Variants in ZNF644 observed in about 807,000 individuals in gnomAD.
ZNF644 encodes the protein zinc finger protein 644.
Under a neutral mutation model 108.0 loss-of-function variants are expected in ZNF644, and 20 were observed. The ratio of observed to expected loss-of-function variants is 0.19; its 90% CI spans 0.13 to 0.27. ZNF644 has a LOEUF of 0.27. ZNF644 is among the 10% of genes least tolerant of loss of function. The probability of loss-of-function intolerance (pLI) is 1.00; values close to 1 mark genes in which losing one functional copy is unlikely to be tolerated. For missense variants in ZNF644, 1,338 were observed against 1,548.9 expected, an observed-to-expected ratio of 0.86 and a Z score of 2.29; for synonymous variants, 542 against 539.1, an observed-to-expected ratio of 1.01 and a Z score of -0.08.
In ZNF644 at chr1:90,940,954, C is replaced by T. The variant is rs1651904520; in HGVS notation, c.400G>A (p.Gly134Ser). The change falls in exon 3 of 6, where the codon GGC becomes AGC. Residue 134 changes from glycine to serine, a missense_variant. Physicochemically the swap from Gly to Ser is moderately conservative, Grantham distance 56 (BLOSUM62 0). Coordinates refer to ENST00000337393, the MANE Select transcript of ZNF644 (RefSeq NM_201269.3). ...TGTCCAGTGGTTAATGAAACACTGC[C>T]TTTATTCATATTGGAAGTCTTAGTT... ...SLTKTSNMNK[G>S]SVSLTTGQPV... The T allele has an allele frequency of 6.2e-7, 1 of 1,613,934 alleles. No homozygotes were observed. Among genetic ancestry groups the T allele is most frequent in the African/African-American group, 1.3e-5 (1 of 74,884 alleles).
At chr1:90,981,434 C>T (rs1656541145) in intron 2 of ZNF644, among the ~76,000 whole-genome samples, 2 of 151,960 alleles carry the variant, frequency 1.3e-5, no homozygotes, top group African/African-American at 4.8e-5. Flanking sequence ...CTGAGATTTC[C>T]TTCAGTGCAT....
chr1:91,021,919 C>T (rs972150149), intron 1 of ZNF644, 71 bp downstream of exon 1: 11 of 399,380 alleles, frequency 2.8e-5, no homozygotes, highest in African/African-American at 1.8e-4. Context: ...AGTCCCGCCG[C>T]TGCCACAGCC....
intron 1 of ZNF644, among the ~76,000 whole-genome samples, chr1:91,006,557 T>A (rs1659438328): frequency 6.6e-6 from 1 of 152,200 alleles, no homozygotes; most frequent in African/African-American, 2.4e-5. Flanking sequence ...ATTGCCCTCA[T>A]ACCAAAATCT....
At chr1:90,960,623 C>A (rs867939080) in intron 2 of ZNF644, among the ~76,000 whole-genome samples, 1 of 152,160 alleles carries the variant, frequency 6.6e-6, no homozygotes, top group African/African-American at 2.4e-5. Context: ...CTGACGACAC[C>A]CAATCTAGGA....
At chr1:91,001,553 T>C (rs1285562858) in intron 1 of ZNF644, among the ~76,000 whole-genome samples, 2 of 152,170 alleles carry the variant, frequency 1.3e-5, no homozygotes, top group Non-Finnish European at 2.9e-5. Context: ...ACAAGAGCTA[T>C]TTATGACAAA....
At chr1:90,988,367 AAC>A (rs1412481345) in intron 1 of ZNF644, among the ~76,000 whole-genome samples, 2 of 152,290 alleles carry the variant, frequency 1.3e-5, no homozygotes, top group African/African-American at 4.8e-5. Flanking sequence ...TGAAAGCTAT[AAC>A]ACACTGCTGA....
chr1:90,963,486 A>G (rs1654533675), intron 2 of ZNF644, among the ~76,000 whole-genome samples: 1 of 152,158 alleles, frequency 6.6e-6, no homozygotes, highest in South Asian at 2.1e-4. Context: ...GTCTTGGTAT[A>G]CACCTAGTAT....
chr1:90,954,589 T>C (rs994460674), intron 2 of ZNF644, among the ~76,000 whole-genome samples: 2 of 152,200 alleles, frequency 1.3e-5, no homozygotes, highest in Non-Finnish European at 2.9e-5. Flanking sequence ...GTATTTTTAG[T>C]ACAGACAGGG....
At chr1:90,994,487 T>G (rs1238200238) in intron 1 of ZNF644, among the ~76,000 whole-genome samples, 4 of 152,162 alleles carry the variant, frequency 2.6e-5, no homozygotes. Context: ...ACAAAAATTC[T>G]AGGTATAAAC....
chr1:90,998,852 C>A (rs201913962), intron 1 of ZNF644, among the ~76,000 whole-genome samples: 5 of 152,166 alleles, frequency 3.3e-5, no homozygotes, highest in Non-Finnish European at 5.9e-5. Context: ...GAAGTCCTTA[C>A]ATGACCTGAT....
intron 1 of ZNF644, among the ~76,000 whole-genome samples, chr1:91,017,991 A>G (rs144058917): frequency 1.3e-5 from 2 of 152,328 alleles, no homozygotes; most frequent in East Asian, 3.9e-4. Context: ...AAGAAAGGAT[A>G]GTAACTCCAT....
intron 1 of ZNF644, among the ~76,000 whole-genome samples, chr1:91,002,258 A>T (rs552956953): frequency 6.6e-6 from 1 of 152,318 alleles, no homozygotes; most frequent in South Asian, 2.1e-4. Flanking sequence ...TGGAGGCATC[A>T]CGCTACCTGA....
In ZNF644 at chr1:90,937,513, T is replaced by C. The variant is rs763319720; in HGVS notation, c.3660A>G (p.Pro1220=). The C allele has an allele frequency of 6.8e-6, 11 of 1,613,880 alleles. No individual in the cohort carries two copies. The highest frequency in any genetic ancestry group is 1.3e-5 in the African/African-American group (1 of 75,054). Residue 1220 remains proline, a synonymous_variant, in exon 4 of 6, where the codon CCA becomes CCG. Transcript: ENST00000337393. ...AGTGCATAGTCAAGTCCATTTTTTG[T>C]GGCTGATACATCAACGGACTATCCT... ...LNEDSPLMYQ[P]QKMDLTMHSA...
chr1:91,008,621 AC>A (rs1239357744), intron 1 of ZNF644, among the ~76,000 whole-genome samples: 1 of 152,064 alleles, frequency 6.6e-6, no homozygotes, highest in Non-Finnish European at 1.5e-5. Flanking sequence ...TCATACAGAA[AC>A]CCCATTTTTC....
intron 4 of ZNF644, among the ~76,000 whole-genome samples, chr1:90,933,651 G>A (rs1201412): frequency 1.4e-5 from 2 of 146,388 alleles, no homozygotes; most frequent in African/African-American, 2.5e-5. Flanking sequence ...GTGACAGAGC[G>A]AGACTCCGTC....
chr1:90,976,557 G>A (rs2101398638), intron 2 of ZNF644, among the ~76,000 whole-genome samples: 1 of 152,230 alleles, frequency 6.6e-6, no homozygotes, highest in East Asian at 1.9e-4. Flanking sequence ...AATGATATTT[G>A]CCGCTTAGCC....
intron 1 of ZNF644, among the ~76,000 whole-genome samples, chr1:91,002,588 C>T (rs1043095658): frequency 1.3e-5 from 2 of 152,114 alleles, no homozygotes; most frequent in Non-Finnish European, 2.9e-5. Flanking sequence ...AGAAGAAAAC[C>T]TAGGCAATAC....
chr1:90,984,926 C>T (rs1656941768), intron 1 of ZNF644, among the ~76,000 whole-genome samples: 1 of 152,072 alleles, frequency 6.6e-6, no homozygotes, highest in South Asian at 2.1e-4. Context: ...GTTGCACAAA[C>T]GATATAAACA....
At chr1:90,945,206 T>TATAA (rs1332522779) in intron 2 of ZNF644, among the ~76,000 whole-genome samples, 2 of 152,116 alleles carry the variant, frequency 1.3e-5, no homozygotes, top group African/African-American at 4.8e-5. Context: ...GGACTCCTTA[T>TATAA]ATATCAATTA....
Sources: allele counts gnomAD v4.1 joint callset (sites outside exome capture counted in the v4.1 genomes callset), GRCh38; gene constraint gnomAD v4.1.1; transcripts MANE v1.5; gene names NCBI Gene and HGNC (gene_info 2026-07-23, HGNC 2026-07-21).